The following PBRM1 variants were observed in gnomAD, a reference collection of about 807,000 sequenced individuals.
PBRM1 encodes polybromo 1, also known as protein polybromo-1.
In PBRM1, 27 loss-of-function variants were observed where a neutral mutation model predicts 194.5. That is an observed-to-expected ratio of 0.14 (90% CI 0.10 to 0.19). The LOEUF (loss-of-function observed/expected upper bound fraction) is 0.19, where lower values mean the gene tolerates loss of function less well. PBRM1 is among the 10% of genes least tolerant of loss of function. The pLI, the probability that PBRM1 is intolerant of heterozygous loss-of-function variation, is 1.00. For missense variants in PBRM1, 1,466 were observed against 2,077.2 expected (o/e 0.71, Z 5.72); for synonymous variants, 655 against 693.2 (o/e 0.94, Z 0.87).
chr3:52,638,762 A>G (rs2095933327), intron 10 of PBRM1, among the ~76,000 whole-genome samples: 1 of 151,064 alleles, frequency 6.6e-6, no homozygotes, highest in Non-Finnish European at 1.5e-5. Context: ...CGCCCGGCTA[A>G]TTTTTCTTTT....
chr3:52,570,961 G>A (rs1664298356), intron 22 of PBRM1, among the ~76,000 whole-genome samples: 1 of 151,106 alleles, frequency 6.6e-6, no homozygotes, highest in Non-Finnish European at 1.5e-5. Context: ...GGTGTCAAGC[G>A]ACTCTCCCAT....
chr3:52,563,164 G>T, intron 24 of PBRM1, 119 bp downstream of exon 26: 1 of 613,776 alleles, frequency 1.6e-6, no homozygotes, highest in Non-Finnish European at 2.8e-6. Context: ...GTTCCTTCCT[G>T]CAGAATTCTA....
downstream of PBRM1, chr3:52,546,965 A>G (rs2079759788): frequency 4.3e-6 from 1 of 233,154 alleles, no homozygotes; most frequent in Non-Finnish European, 8.5e-6. Context: ...ATAATAAGGA[A>G]ATAAGGAATA....
At chr3:52,547,039 C>T (rs2079769435), downstream of PBRM1, 3 of 233,230 alleles carry the variant, frequency 1.3e-5, no homozygotes, top group East Asian at 1.8e-4. Context: ...TCTTATACAG[C>T]TCATATCTAG....
intron 17 of PBRM1, among the ~76,000 whole-genome samples, chr3:52,590,068 G>A (rs948728031): frequency 7.2e-5 from 11 of 151,844 alleles, no homozygotes; most frequent in African/African-American, 2.4e-4. Context: ...CCTGAGATCC[G>A]CCTGCCTCAG....
At chr3:52,634,913 A>G in intron 10 of PBRM1, 98 bp from the exon 12 acceptor site, 1 of 833,522 alleles carries the variant, frequency 1.2e-6, no homozygotes, top group Non-Finnish European at 1.9e-6. Context: ...TGAACTAAAT[A>G]TATTTGAAAA....
chr3:52,608,664 T>C (rs558353899), intron 16 of PBRM1, among the ~76,000 whole-genome samples: 2 of 151,964 alleles, frequency 1.3e-5, no homozygotes, highest in African/African-American at 4.8e-5. Flanking sequence ...CAACTGTCTC[T>C]AAGTGCACAT....
chr3:52,588,461 C>T (rs1176978906), intron 18 of PBRM1, among the ~76,000 whole-genome samples: 1 of 151,896 alleles, frequency 6.6e-6, no homozygotes, highest in Admixed American at 6.6e-5. Flanking sequence ...ATCTATGTCA[C>T]TCTACATAAA....
chr3:52,548,530 G>T (rs570485330), intron 29 of PBRM1, among the ~76,000 whole-genome samples: 4 of 151,754 alleles, frequency 2.6e-5, no homozygotes, highest in Non-Finnish European at 4.4e-5. Context: ...GGGTTCAAGC[G>T]ATTCTCCTGC....
chr3:52,678,736 A>C (rs776761369), intron 1 of PBRM1, 139 bp from the exon 3 acceptor site: 2 of 584,636 alleles, frequency 3.4e-6, no homozygotes, highest in Admixed American at 3.1e-5. Context: ...CAAACATGCT[A>C]AAGTCTGAAA....
upstream of PBRM1, among the ~76,000 whole-genome samples, chr3:52,683,374 GA>G (rs71278617): frequency 4.6e-4 from 59 of 129,426 alleles, no homozygotes; most frequent in African/African-American, 4.9e-4. Flanking sequence ...ACCGTCTCAA[GA>G]AAAAAAAAAA....
intron 27 of PBRM1, chr3:52,551,990 C>A (rs1294977990): frequency 6.6e-6 from 1 of 152,134 alleles, no homozygotes; most frequent in Non-Finnish European, 1.5e-5. Flanking sequence ...CATAAGAGAG[C>A]CTCTTATTTG....
At chr3:52,575,694 T>A (rs6805539) in intron 22 of PBRM1, among the ~76,000 whole-genome samples, 48,154 of 144,332 alleles carry the variant, frequency 0.33, 9,131 homozygotes, top group Admixed American at 0.45. Flanking sequence ...TTTTTTTTTT[T>A]AGCAGAGACA....
At chr3:52,580,368 TG>T (rs1467364779) in intron 20 of PBRM1, among the ~76,000 whole-genome samples, 3 of 152,226 alleles carry the variant, frequency 2.0e-5, no homozygotes, top group East Asian at 1.9e-4. Context: ...TTGTTGTTGT[TG>T]TTTTTTTGAG....
At chr3:52,624,010 GT>G in intron 13 of PBRM1, among the ~76,000 whole-genome samples, 1 of 152,304 alleles carries the variant, frequency 6.6e-6, no homozygotes, top group East Asian at 1.9e-4. Flanking sequence ...ATTTTACTGA[GT>G]GGAATACATA....
intron 22 of PBRM1, among the ~76,000 whole-genome samples, chr3:52,571,323 CA>C (rs34396226): frequency 2.2e-3 from 194 of 88,372 alleles, no homozygotes; most frequent in Non-Finnish European, 2.5e-3. Flanking sequence ...ACACTGTCTC[CA>C]AAAAAAAAAA....
intron 11 of PBRM1, among the ~76,000 whole-genome samples, chr3:52,632,397 A>C (rs2095647088): frequency 6.6e-6 from 1 of 152,086 alleles, no homozygotes; most frequent in Non-Finnish European, 1.5e-5. Context: ...CTGGGCAACA[A>C]GCAAGACTTG....
intron 11 of PBRM1, among the ~76,000 whole-genome samples, chr3:52,629,680 T>C (rs972100029): frequency 1.3e-5 from 2 of 152,212 alleles, no homozygotes; most frequent in African/African-American, 4.8e-5. Context: ...ACACAATCAT[T>C]ATTATTGTAT....
upstream of PBRM1, among the ~76,000 whole-genome samples, chr3:52,684,137 C>T (rs1358891713): frequency 4.8e-5 from 6 of 126,174 alleles, no homozygotes; most frequent in African/African-American, 1.5e-4. Flanking sequence ...TACTGAACTC[C>T]AGCCTGGGCA....
Sources: allele counts gnomAD v4.1 joint callset (sites outside exome capture counted in the v4.1 genomes callset), GRCh38; gene constraint gnomAD v4.1.1; transcripts MANE v1.5; gene names NCBI Gene and HGNC (gene_info 2026-07-23, HGNC 2026-07-21).